The following PCDHGB6 variants were observed in gnomAD, a reference collection of about 807,000 sequenced individuals.
The protein encoded by PCDHGB6 is protocadherin gamma-B6.
In PCDHGB6, 51 loss-of-function variants were observed where a neutral mutation model predicts 59.1. The observed-to-expected ratio is 0.86, with a 90% CI of 0.69 to 1.09. The LOEUF (loss-of-function observed/expected upper bound fraction) is 1.09, where lower values mean the gene tolerates loss of function less well. Ranked by LOEUF, PCDHGB6 falls within the 50% of genes least tolerant of loss-of-function variation. The pLI is 0.00. For synonymous variants in PCDHGB6, 466 were observed against 495.1 expected (o/e 0.94, Z 0.78); for missense variants, 1,148 against 1,205.1 (o/e 0.95, Z 0.70).
intron 1 of PCDHGB6, among the ~76,000 whole-genome samples, chr5:141,463,088 C>T (rs768488458): frequency 6.6e-6 from 1 of 152,108 alleles, no homozygotes; most frequent in Non-Finnish European, 1.5e-5. Flanking sequence ...ATTTTCCAGC[C>T]CTATGTGACC....
At position 141,505,378 on chromosome 5, in the gene PCDHGB6, C is replaced by T. The variant is rs376550639; in HGVS notation, c.2478-15C>T. 2 of 1,614,034 alleles carry T rather than the reference C, an allele frequency of 1.2e-6. No homozygotes were observed. The highest frequency in any genetic ancestry group is 2.2e-5 in the East Asian group (1 of 44,872). On this transcript the variant is annotated splice_polypyrimidine_tract_variant and intron_variant, in intron 2 of 3. Transcript: ENST00000520790. ...GGCCTGGGAGTCTGTGCTCACCATC[C>T]TACTCTCTCCCCAGCTCCCAAAATG...
rs773609097 is a variant in PCDHGB6 at position 141,408,614 on chromosome 5, A to C, written c.412A>C (p.Ile138Leu). 2.2e-5 allele frequency: 36 copies of C among 1,614,008 alleles called. No individual in the cohort carries two copies. Among genetic ancestry groups the C allele is most frequent in the Non-Finnish European group, 3.1e-5 (36 of 1,179,890 alleles). The change falls in exon 1 of 4, where the codon ATA becomes CTA. Residue 138 changes from isoleucine (I) to leucine (L), a missense_variant. This residue lies in a region of PCDHGB6 where 307 missense variants were observed against 323.8 expected (regional missense o/e 0.95). Coordinates refer to ENST00000520790, the MANE Select transcript of PCDHGB6 (RefSeq NM_018926.3). ...DHAPQFDKKE[I>L]HLEIFESASA... is the part of the protein sequence containing the mutation. The stretch of plus-strand genomic sequence containing the variant: ...CGCCCCTCAATTTGATAAAAAGGAA[A>C]TACATTTAGAAATTTTCGAATCTGC...
At position 141,486,927 on chromosome 5, in the gene PCDHGB6, G is replaced by T. The variant is rs2099637231; in HGVS notation, c.2419-7880G>T. On this transcript the variant is annotated intron_variant, in intron 1 of 3. Transcript: ENST00000520790. The surrounding 1 kb of genome is among the most constrained non-coding windows in gnomAD (Gnocchi z 5.0). ...CCCCAAGCACTGCCTCCATCAGTTG[G>T]TGCTGGCCACCTAATCACAAAGGTG... 1 of 1,614,108 alleles carries T rather than the reference G, an allele frequency of 6.2e-7. No homozygotes were observed. Among genetic ancestry groups the T allele is most frequent in the Non-Finnish European group, 8.5e-7 (1 of 1,180,054 alleles).
At chr5:141,447,725 C>G (rs1009407606) in intron 1 of PCDHGB6, among the ~76,000 whole-genome samples, 4 of 152,174 alleles carry the variant, frequency 2.6e-5, no homozygotes, top group African/African-American at 9.7e-5. Context: ...TTTTCCAAAA[C>G]TCATTGAACT....
chr5:141,466,969 C>T (rs2099133068), intron 1 of PCDHGB6, among the ~76,000 whole-genome samples: 1 of 152,068 alleles, frequency 6.6e-6, no homozygotes, highest in African/African-American at 2.4e-5. Flanking sequence ...TATTTTCTCA[C>T]AGCTCATCAT....
In PCDHGB6 at chr5:141,477,017, A is replaced by G; in HGVS notation, c.2419-17790A>G. 2 of 1,614,220 alleles carry G rather than the reference A, an allele frequency of 1.2e-6. No homozygotes were observed. The highest frequency in any genetic ancestry group is 2.2e-5 in the East Asian group (1 of 44,868). ...GCAACTATTCGCCTTAGACCTTGTA[A>G]CCGGGATGCTGACAATCAAGGGTCG... On this transcript the variant is annotated intron_variant, in intron 1 of 3. Coordinates refer to ENST00000520790, the MANE Select transcript of PCDHGB6 (RefSeq NM_018926.3). This position sits in a 1 kb window ranked among gnomAD's most constrained non-coding sequence, Gnocchi z 4.9.
chr5:141,492,303 G>A (rs969991314), intron 1 of PCDHGB6, among the ~76,000 whole-genome samples: 1 of 152,202 alleles, frequency 6.6e-6, no homozygotes, highest in African/African-American at 2.4e-5. Context: ...GCGGACGCAC[G>A]CACGCACTCC....
rs2099883762 is a variant in PCDHGB6, at chr5:141,511,396, C to T, written c.*223C>T. 9.8e-7 allele frequency: 1 copy of T among 1,016,834 alleles called. No homozygotes were observed. Among genetic ancestry groups the T allele is most frequent in the South Asian group, 1.7e-5 (1 of 58,996 alleles). The allele number at this position is 1,016,834 out of a possible 1,614,324, so 63.0% of individuals were successfully genotyped here. ...AAGCAGTTCCGCTGGGAACCCCCAT[C>T]CAATCAACTGCTGTACCCATGGGGG... On this transcript the variant is annotated 3_prime_UTR_variant, in exon 4 of 4. Coordinates refer to ENST00000520790, the MANE Select transcript of PCDHGB6 (RefSeq NM_018926.3).
intron 1 of PCDHGB6, chr5:141,441,078 G>T (rs1443239760): frequency 2.0e-5 from 3 of 152,140 alleles, no homozygotes; most frequent in Non-Finnish European, 4.4e-5. Context: ...CCATGGTTTT[G>T]GTAGCAAGTG....
At position 141,431,828 on chromosome 5, in the gene PCDHGB6, C is replaced by G. The variant is rs750949066; in HGVS notation, c.2418+21208C>G. ...CCTCACCTCTCTCGCCAGCTCGGTTCCCGAAAACTCTCCCAGAGGGACATT... is the reference window on the plus strand; with the variant it reads ...CCTCACCTCTCTCGCCAGCTCGGTTGCCGAAAACTCTCCCAGAGGGACATT... On this transcript the variant is annotated intron_variant, in intron 1 of 3. Coordinates refer to ENST00000520790, the MANE Select transcript of PCDHGB6 (RefSeq NM_018926.3). This position sits in a 1 kb window ranked among gnomAD's most constrained non-coding sequence, Gnocchi z 4.8. The G allele has an allele frequency of 5.6e-6, 9 of 1,610,208 alleles. No homozygotes were observed. Among genetic ancestry groups the G allele is most frequent in the Non-Finnish European group, 1.7e-6 (2 of 1,176,374 alleles).
Position 141,489,968 on chromosome 5 carries a change from A to G in PCDHGB6, c.2419-4839A>G. 6.2e-7 allele frequency: 1 copy of G among 1,614,146 alleles called. No homozygotes were observed. The highest frequency in any genetic ancestry group is 2.2e-5 in the East Asian group (1 of 44,880). On this transcript the variant is annotated intron_variant, in intron 1 of 3. Coordinates refer to ENST00000520790, the MANE Select transcript of PCDHGB6 (RefSeq NM_018926.3). This position sits in a 1 kb window ranked among gnomAD's most constrained non-coding sequence, Gnocchi z 4.5. Reference sequence around the variant, plus strand: ...ATCAATGATAATGCTCCAACCTTCCAATCCTCAGTTCTACGTGTGGGAATC... The same window carrying G: ...ATCAATGATAATGCTCCAACCTTCCGATCCTCAGTTCTACGTGTGGGAATC...
chr5:141,483,255 GTTTT>G (rs147039946), intron 1 of PCDHGB6, among the ~76,000 whole-genome samples: 7,425 of 152,114 alleles, frequency 0.049, 355 homozygotes, highest in African/African-American at 0.13. Context: ...ATATCATGAG[GTTTT>G]TTTGTTTTAG....
At chr5:141,418,815 T>A in intron 1 of PCDHGB6, 1 of 1,613,864 alleles carries the variant, frequency 6.2e-7, no homozygotes, top group East Asian at 2.2e-5. Flanking sequence ...ACGATAAACA[T>A]AGAAGCAAAA....
rs1390441638 is a variant in PCDHGB6, at chr5:141,432,562, C to T, written c.2418+21942C>T. 1.9e-6 allele frequency: 3 copies of T among 1,613,964 alleles called. No individual in the cohort carries two copies. Among genetic ancestry groups the T allele is most frequent in the Non-Finnish European group, 2.5e-6 (3 of 1,180,004 alleles). On this transcript the variant is annotated intron_variant, in intron 1 of 3. Coordinates refer to ENST00000520790, the MANE Select transcript of PCDHGB6 (RefSeq NM_018926.3). This position sits in a 1 kb window ranked among gnomAD's most constrained non-coding sequence, Gnocchi z 6.0. ...CGGTGGACAGAGACTCCGGCCAGAA[C>T]GCCTGGCTGTCCTACCGTCTGCTCA...
At position 141,408,899 on chromosome 5, in the gene PCDHGB6, A is replaced by G. The variant is rs1379621758; in HGVS notation, c.697A>G (p.Lys233Glu). 1.2e-6 allele frequency: 2 copies of G among 1,613,316 alleles called. No homozygotes were observed. The highest frequency in any genetic ancestry group is 8.5e-7 in the Non-Finnish European group (1 of 1,179,636). The change falls in exon 1 of 4, where the codon AAG (lysine) becomes GAG (glutamate). Residue 233 changes from lysine (K) to glutamate (E), a missense_variant. By Grantham distance (56) the Lys-to-Glu change is moderately conservative. Coordinates refer to ENST00000520790, the MANE Select transcript of PCDHGB6 (RefSeq NM_018926.3). ...SATAHIEISV[K>E]DTNDNPPVFS... ...CACCGCTCACATAGAAATTTCTGTC[A>G]AGGATACCAATGATAACCCCCCGGT...
chr5:141,418,883 G>A (rs376245268), intron 1 of PCDHGB6: 5 of 1,613,960 alleles, frequency 3.1e-6, no homozygotes, highest in East Asian at 2.2e-5. Flanking sequence ...AGACGAAAAC[G>A]ACAACAGCCC....
Position 141,431,962 on chromosome 5 carries a change from C to G in PCDHGB6, c.2418+21342C>G. 1.2e-6 allele frequency: 2 copies of G among 1,614,190 alleles called. No homozygotes were observed. Among genetic ancestry groups the G allele is most frequent in the South Asian group, 2.2e-5 (2 of 91,086 alleles). ...AATTAGAAAAATCTTACGGAAATTACTATAGTTTAGTCACAGACATAGTCT... is the reference window on the plus strand; with the variant it reads ...AATTAGAAAAATCTTACGGAAATTAGTATAGTTTAGTCACAGACATAGTCT... On this transcript the variant is annotated intron_variant, in intron 1 of 3. Transcript: ENST00000520790. The surrounding 1 kb of genome is among the most constrained non-coding windows in gnomAD (Gnocchi z 4.8).
At position 141,477,271 on chromosome 5, in the gene PCDHGB6, G is replaced by T; in HGVS notation, c.2419-17536G>T. On this transcript the variant is annotated intron_variant, in intron 1 of 3. Transcript: ENST00000520790. The surrounding 1 kb of genome is among the most constrained non-coding windows in gnomAD (Gnocchi z 4.9). ...CTGACCTGGATGCTGGCGAGAACGG[G>T]CTGGTGACCTGCGAAGTTCCACCGG... The T allele has an allele frequency of 1.2e-6, 2 of 1,614,212 alleles. No homozygotes were observed. The highest frequency in any genetic ancestry group is 1.7e-6 in the Non-Finnish European group (2 of 1,180,044).
At chr5:141,436,394 T>C (rs781428769) in intron 1 of PCDHGB6, among the ~76,000 whole-genome samples, 15 of 152,216 alleles carry the variant, frequency 9.9e-5, no homozygotes, top group Non-Finnish European at 1.9e-4. Flanking sequence ...CTTTATTAAA[T>C]AGTTGTTGAA....
Sources: allele counts gnomAD v4.1 joint callset (sites outside exome capture counted in the v4.1 genomes callset), GRCh38; gene constraint gnomAD v4.1.1; regional missense constraint gnomAD v4.1.1; non-coding constraint Gnocchi (gnomAD v3.1); transcripts MANE v1.5; gene names NCBI Gene and HGNC (gene_info 2026-07-23, HGNC 2026-07-21).